Variants in SIPA1L2 observed in about 807,000 individuals in gnomAD.
The protein encoded by SIPA1L2 is signal-induced proliferation-associated 1-like protein 2.
SIPA1L2 carries 56 observed loss-of-function variants against 163.9 expected under a neutral mutation model. That is an observed-to-expected ratio of 0.34 (90% CI 0.28 to 0.43). SIPA1L2 has a LOEUF of 0.43. SIPA1L2 is among the 20% of genes least tolerant of loss of function. The probability of loss-of-function intolerance (pLI) is 1.00; values close to 1 mark genes in which losing one functional copy is unlikely to be tolerated. For synonymous variants in SIPA1L2, 877 were observed against 865.7 expected, an observed-to-expected ratio of 1.01 and a Z score of -0.23; for missense variants, 1,974 against 2,193.5, an observed-to-expected ratio of 0.90 and a Z score of 2.00.
intron 19 of SIPA1L2, among the ~76,000 whole-genome samples, chr1:232,413,935 G>A (rs1005658507): frequency 6.6e-5 from 10 of 152,146 alleles, no homozygotes; most frequent in African/African-American, 2.2e-4. Context: ...TCCCCTCTGG[G>A]TTGCTCTGGA....
At chr1:232,444,997 C>T (rs1237429581) in intron 11 of SIPA1L2, among the ~76,000 whole-genome samples, 1 of 152,200 alleles carries the variant, frequency 6.6e-6, no homozygotes, top group African/African-American at 2.4e-5. Context: ...TCACCAGCTT[C>T]CAATGGTACT....
At chr1:232,474,898 G>A (rs1664964923) in intron 7 of SIPA1L2, among the ~76,000 whole-genome samples, 2 of 152,086 alleles carry the variant, frequency 1.3e-5, no homozygotes, top group South Asian at 4.1e-4. Flanking sequence ...TATGTATATG[G>A]GTTCATTTGT....
At chr1:232,582,562 G>A (rs1660438311) in intron 1 of SIPA1L2, among the ~76,000 whole-genome samples, 1 of 152,082 alleles carries the variant, frequency 6.6e-6, no homozygotes, top group Non-Finnish European at 1.5e-5. Context: ...CACCACTGAT[G>A]GGCACCTAGG....
At chr1:232,471,251 CT>C in intron 8 of SIPA1L2, 119 bp downstream of exon 8, 3 of 626,614 alleles carry the variant, frequency 4.8e-6, no homozygotes, top group Non-Finnish European at 7.0e-6. Context: ...CAGAAAGTGT[CT>C]GAGTAATTAG....
At chr1:232,435,160 G>A (rs1347744131) in intron 15 of SIPA1L2, among the ~76,000 whole-genome samples, 1 of 152,130 alleles carries the variant, frequency 6.6e-6, no homozygotes, top group Non-Finnish European at 1.5e-5. Context: ...TTAATAAGCT[G>A]CATGTGTGTA....
At chr1:232,529,386 T>C (rs1349475500) in intron 2 of SIPA1L2, among the ~76,000 whole-genome samples, 1 of 152,238 alleles carries the variant, frequency 6.6e-6, no homozygotes, top group Non-Finnish European at 1.5e-5. Flanking sequence ...CGGTATACAT[T>C]ATATTCATCC....
At chr1:232,591,841 C>T (rs1179000343) in intron 1 of SIPA1L2, among the ~76,000 whole-genome samples, 2 of 152,184 alleles carry the variant, frequency 1.3e-5, no homozygotes, top group East Asian at 1.9e-4. Context: ...AAGAGGAACT[C>T]TTGTTCCTCA....
chr1:232,583,391 A>G (rs1343903619), intron 1 of SIPA1L2, among the ~76,000 whole-genome samples: 1 of 152,202 alleles, frequency 6.6e-6, no homozygotes, highest in East Asian at 1.9e-4. Context: ...TAGACAAGCA[A>G]AACACTAAAA....
Position 232,515,532 on chromosome 1 carries a change from GTAA to G in SIPA1L2, c.-196_-194del, listed in dbSNP as rs1667182789. On this transcript the variant is annotated 5_prime_UTR_variant, in exon 3 of 23. Coordinates refer to ENST00000674635, the MANE Select transcript of SIPA1L2 (RefSeq NM_020808.5). Reference sequence around the variant, plus strand: ...AAAGCCAACTTGCTTCTCTGTTGTCGTAATAATGTTGTACGCCTCTGTTCTTTT... The same window carrying G: ...AAAGCCAACTTGCTTCTCTGTTGTCGTAATGTTGTACGCCTCTGTTCTTTT... The G allele has an allele frequency of 3.5e-6, 2 of 576,772 alleles. No individual in the cohort carries two copies. The highest frequency in any genetic ancestry group is 2.9e-6 in the Non-Finnish European group (1 of 339,492). The allele number at this position is 576,772 out of a possible 1,614,324, so 35.7% of individuals were successfully genotyped here. A position where few individuals can be genotyped will look rare whatever the true frequency, so the allele number is the denominator to read the frequency against.
intron 5 of SIPA1L2, among the ~76,000 whole-genome samples, chr1:232,486,742 A>G (rs1386284924): frequency 6.6e-6 from 1 of 152,224 alleles, no homozygotes; most frequent in Non-Finnish European, 1.5e-5. Flanking sequence ...AACAGAATGA[A>G]ATGTTCAGTA....
rs568424633 is a variant in SIPA1L2 at position 232,459,550 on chromosome 1, C to T, written c.3095+1337G>A. Among the ~76,000 whole-genome samples the T allele has an allele frequency of 2.0e-5, 3 of 152,200 alleles. No homozygotes were observed. In the South Asian group the frequency reaches 6.2e-4, roughly 32 times the overall value. ...TTATTTGAGATGCAGTCTCACTCTG[C>T]CACCCATGCTGGCGTACAGAGGCAC... is the stretch of plus-strand genomic sequence containing the variant. On this transcript the variant is annotated intron_variant, in intron 10 of 22. Transcript: ENST00000674635.
intron 2 of SIPA1L2, among the ~76,000 whole-genome samples, chr1:232,517,262 C>T (rs1312636024): frequency 6.6e-6 from 1 of 152,104 alleles, no homozygotes; most frequent in Non-Finnish European, 1.5e-5. Context: ...AGGACAAACC[C>T]TACCTTCCTT....
chr1:232,450,072 T>G (rs774801394), intron 10 of SIPA1L2, among the ~76,000 whole-genome samples: 1 of 152,202 alleles, frequency 6.6e-6, no homozygotes, highest in African/African-American at 2.4e-5. Context: ...AAAGAAATCT[T>G]AACACCTGCT....
Position 232,432,332 on chromosome 1 carries a change from C to G in SIPA1L2, c.4171G>C (p.Gly1391Arg). The G allele has an allele frequency of 1.2e-6, 2 of 1,614,216 alleles. No individual in the cohort carries two copies. The highest frequency in any genetic ancestry group is 2.2e-5 in the East Asian group (1 of 44,880). ...CCGATGACATATTTGTTCACTGCCC[C>G]TTGTCTGTGGTAGGGCTTGGACATG... ...GSMSKPYHRQ[G>R]AVNKYVIGWK... The change falls in exon 16 of 23, where the codon GGG becomes CGG. Residue 1391 changes from glycine (G) to arginine (R), a missense_variant. Around this residue, in one of 3 missense-constraint regions of SIPA1L2, gnomAD observed 1,079 missense variants for 1,150.7 expected, o/e 0.94. Coordinates refer to ENST00000674635, the MANE Select transcript of SIPA1L2 (RefSeq NM_020808.5).
At chr1:232,484,955 G>A (rs969364581) in intron 5 of SIPA1L2, among the ~76,000 whole-genome samples, 1 of 152,138 alleles carries the variant, frequency 6.6e-6, no homozygotes, top group Non-Finnish European at 1.5e-5. Context: ...AGTAAAATAA[G>A]GCAAAATGAT....
rs150163493 is a variant in SIPA1L2, at chr1:232,518,457, T to C, written c.-269-2849A>G. ...TCCTTGTAACTCCTCCCCTGAGATT[T>C]TGCTCTACTGTAGCTTGTGGAAACT... On this transcript the variant is annotated intron_variant, in intron 2 of 22. Coordinates refer to ENST00000674635, the MANE Select transcript of SIPA1L2 (RefSeq NM_020808.5). 1.4e-3 allele frequency among the ~76,000 whole-genome samples: 217 copies of C among 152,302 alleles called. 2 individuals are homozygous for C. The highest frequency in any genetic ancestry group is 4.9e-3 in the African/African-American group (205 of 41,560).
intron 1 of SIPA1L2, among the ~76,000 whole-genome samples, chr1:232,600,541 T>C (rs1661537309): frequency 6.6e-6 from 1 of 152,234 alleles, no homozygotes; most frequent in South Asian, 2.1e-4. Context: ...AACTGTTGTG[T>C]CTGAAACAGG....
At chr1:232,421,324 A>AAGCGACAT (rs2102798585) in intron 18 of SIPA1L2, among the ~76,000 whole-genome samples, 1 of 152,348 alleles carries the variant, frequency 6.6e-6, no homozygotes, top group African/African-American at 2.4e-5. Context: ...GCACCTGCTC[A>AAGCGACAT]AGCGACATTG....
intron 1 of SIPA1L2, among the ~76,000 whole-genome samples, chr1:232,576,470 C>T (rs570547761): frequency 2.6e-4 from 39 of 151,374 alleles, no homozygotes; most frequent in Non-Finnish European, 4.7e-4. Flanking sequence ...ATGGCTCCAC[C>T]GACCAGCCTC....
Sources: allele counts gnomAD v4.1 joint callset (sites outside exome capture counted in the v4.1 genomes callset), GRCh38; gene constraint gnomAD v4.1.1; regional missense constraint gnomAD v4.1.1; transcripts MANE v1.5; gene names NCBI Gene and HGNC (gene_info 2026-07-23, HGNC 2026-07-21).